The following GTPBP6 variants were observed in gnomAD, a reference collection of about 807,000 sequenced individuals.
GTPBP6 encodes GTP binding protein 6.
Under a neutral mutation model 28.9 loss-of-function variants are expected in GTPBP6, and 33 were observed. The ratio of observed to expected loss-of-function variants is 1.14; its 90% CI spans 0.87 to 1.53. The LOEUF (loss-of-function observed/expected upper bound fraction) is 1.53, where lower values mean the gene tolerates loss of function less well. Ranked by LOEUF, GTPBP6 falls within the 40% of genes most tolerant of loss-of-function variation. The probability of loss-of-function intolerance (pLI) is 0.00; values close to 1 mark genes in which losing one functional copy is unlikely to be tolerated. For missense variants in GTPBP6, 507 were observed against 408.3 expected (o/e 1.24, Z -2.08); for synonymous variants, 231 against 192.7 (o/e 1.20, Z -1.65).
chrX:307,452 C>T (rs1473802503), exon 9 of GTPBP6: 4 of 1,611,860 alleles, frequency 2.5e-6, no homozygotes, highest in Non-Finnish European at 3.4e-6. Flanking sequence ...CTTTCAGCTC[C>T]TGGAGCCCGT....
intron 7 of GTPBP6, among the ~76,000 whole-genome samples, chrX:308,784 G>T (rs2070225816): frequency 6.8e-6 from 1 of 147,972 alleles, no homozygotes; most frequent in Non-Finnish European, 1.5e-5. Flanking sequence ...ACACAGGCTG[G>T]AGTGCAGTGG....
intron 1 of GTPBP6, among the ~76,000 whole-genome samples, chrX:317,981 T>A: frequency 1.5e-5 from 1 of 65,038 alleles, no homozygotes; most frequent in African/African-American, 6.2e-5. Flanking sequence ...GCTCTTCCCC[T>A]CAGAGCCCCG....
At chrX:305,504 G>C (rs773657769) in intron 9 of GTPBP6, among the ~76,000 whole-genome samples, 1 of 148,740 alleles carries the variant, frequency 6.7e-6, no homozygotes, top group South Asian at 2.1e-4. Context: ...TGTGTTTTTA[G>C]TAGAGACGGG....
chrX:310,653 CAG>C (rs1344158228), intron 7 of GTPBP6, among the ~76,000 whole-genome samples: 1 of 151,134 alleles, frequency 6.6e-6, no homozygotes, highest in Non-Finnish European at 1.5e-5. Flanking sequence ...AGGCCACAGA[CAG>C]AGGCAGAGAC....
intron 4 of GTPBP6, among the ~76,000 whole-genome samples, 185 bp downstream of exon 4, chrX:314,705 T>A (rs1671623250): frequency 6.6e-6 from 1 of 151,998 alleles, no homozygotes; most frequent in African/African-American, 2.4e-5. Flanking sequence ...CTCGATCTCG[T>A]GACCTCGTGA....
intron 7 of GTPBP6, 32 bp downstream of exon 7, chrX:311,387 G>A (rs372900750): frequency 1.9e-5 from 30 of 1,542,884 alleles, no homozygotes; most frequent in African/African-American, 5.8e-5. Context: ...ATGGGTGTCC[G>A]AGCACCCGAT....
chrX:311,669 G>T, intron 6 of GTPBP6, 42 bp from the exon 7 acceptor site: 3 of 1,475,634 alleles, frequency 2.0e-6, no homozygotes, highest in Non-Finnish European at 1.9e-6. Flanking sequence ...AGATCCCTGC[G>T]TCCCAACTCC....
chrX:311,766 G>T (rs1266269120), intron 6 of GTPBP6, 139 bp from the exon 7 acceptor site: 1 of 709,898 alleles, frequency 1.4e-6, no homozygotes, highest in African/African-American at 1.8e-5. Context: ...GAGCTCCTCG[G>T]GCACCCCGGG....
intron 5 of GTPBP6, among the ~76,000 whole-genome samples, chrX:313,463 T>G (rs1305126985): frequency 6.9e-6 from 1 of 144,818 alleles, no homozygotes; most frequent in African/African-American, 2.6e-5. Flanking sequence ...GACCCTGCCC[T>G]AGAGCCTCCA....
At chrX:305,339 T>A in intron 9 of GTPBP6, 142 bp from the exon 10 acceptor site, 1 of 685,730 alleles carries the variant, frequency 1.5e-6, no homozygotes, top group Non-Finnish European at 2.5e-6. Context: ...TTTTTTTTTT[T>A]GAGACGGAGT....
At chrX:313,704 G>A (rs766103366) in intron 5 of GTPBP6, among the ~76,000 whole-genome samples, 9 of 151,536 alleles carry the variant, frequency 5.9e-5, no homozygotes, top group African/African-American at 9.7e-5. Context: ...AGGAGGCCAC[G>A]TGGAGACGGA....
chrX:311,827 G>C, intron 6 of GTPBP6, 200 bp from the exon 7 acceptor site: 2 of 614,620 alleles, frequency 3.3e-6, no homozygotes, highest in Non-Finnish European at 5.8e-6. Flanking sequence ...CGGGCCGATG[G>C]AGCGGGGCCG....
chrX:315,051 C>A, intron 3 of GTPBP6, 31 bp from the exon 4 acceptor site: 1 of 398,714 alleles, frequency 2.5e-6, no homozygotes, highest in Non-Finnish European at 4.4e-6. Flanking sequence ...TGAGAAGCCA[C>A]GGGGGAAGGC....
chrX:313,149 C>A (rs7499265), intron 5 of GTPBP6, among the ~76,000 whole-genome samples: 1 of 152,260 alleles, frequency 6.6e-6, no homozygotes, highest in Admixed American at 6.5e-5. Flanking sequence ...GTGAGGTCAA[C>A]GAGGGCTTCC....
intron 2 of GTPBP6, among the ~76,000 whole-genome samples, chrX:315,523 C>G (rs2070413900): frequency 6.9e-6 from 1 of 145,912 alleles, no homozygotes; most frequent in African/African-American, 2.6e-5. Flanking sequence ...TGAACACATC[C>G]CGGCAGGGAC....
chrX:317,701 AC>A (rs2070464303), intron 1 of GTPBP6, among the ~76,000 whole-genome samples: 965 of 5,220 alleles, frequency 0.18, 25 homozygotes, highest in African/African-American at 0.35. Context: ...ACCCAACCCC[AC>A]CCCACCCCAC....
At chrX:305,469 A>ACC (rs2070139811) in intron 9 of GTPBP6, among the ~76,000 whole-genome samples, 6 of 147,488 alleles carry the variant, frequency 4.1e-5, no homozygotes, top group Non-Finnish European at 6.0e-5. Flanking sequence ...CTACAGGTGC[A>ACC]TGCCACCACA....
At chrX:311,793 G>C in intron 6 of GTPBP6, 166 bp from the exon 7 acceptor site, 1 of 635,204 alleles carries the variant, frequency 1.6e-6, no homozygotes, top group Non-Finnish European at 2.8e-6. Context: ...CCGACGCGTG[G>C]GACAAAGCCA....
chrX:318,350 G>A, intron 1 of GTPBP6, 89 bp downstream of exon 1: 2 of 380,650 alleles, frequency 5.3e-6, no homozygotes, highest in Non-Finnish European at 9.1e-6. Flanking sequence ...CCCCGCCCCT[G>A]AATCTCCACC....
Sources: gnomAD v4.1 joint callset for allele counts (sites outside exome capture counted in the v4.1 genomes callset) on GRCh38, gnomAD v4.1.1 for gene constraint, MANE v1.5 for transcripts, NCBI Gene and HGNC (gene_info 2026-07-23, HGNC 2026-07-21) for gene names.